Variants in HMGB1 observed in about 807,000 individuals in gnomAD.
HMGB1 encodes high mobility group box 1.
For synonymous variants in HMGB1, 81 were observed against 84.0 expected, an observed-to-expected ratio of 0.96 and a Z score of 0.19; for missense variants, 79 against 253.5, an observed-to-expected ratio of 0.31 and a Z score of 4.67.
chr13:30,482,503 A>G (rs1214401880), intron 1 of HMGB1, among the ~76,000 whole-genome samples: 1 of 152,134 alleles, frequency 6.6e-6, no homozygotes, highest in Non-Finnish European at 1.5e-5. Context: ...TATCACATCA[A>G]GCCTTTGGGG....
chr13:30,544,941 C>T (rs60344737), intron 1 of HMGB1, among the ~76,000 whole-genome samples: 2 of 152,120 alleles, frequency 1.3e-5, no homozygotes, highest in African/African-American at 4.8e-5. Flanking sequence ...GGAGGCGCCT[C>T]GATGTAGAAA....
rs1886385152 is a variant in HMGB1, at chr13:30,462,131, TG to T, written c.471+406del. On this transcript the variant is annotated intron_variant, in intron 4 of 4. Coordinates refer to ENST00000341423, the MANE Select transcript of HMGB1 (RefSeq NM_002128.7). Reference sequence around the variant, plus strand: ...CTTGTAATTTAACTTAGTGATGCTGTGGTTTTTTGAGTATCTAAAGGAAAAG... The same window carrying T: ...CTTGTAATTTAACTTAGTGATGCTGTGTTTTTTGAGTATCTAAAGGAAAAG... 3.3e-5 allele frequency among the ~76,000 whole-genome samples: 5 copies of T among 152,346 alleles called. No homozygotes were observed. In the South Asian group the frequency reaches 1.0e-3, roughly 32 times the overall value.
chr13:30,472,540 G>T (rs1886970393), intron 1 of HMGB1, among the ~76,000 whole-genome samples: 1 of 152,226 alleles, frequency 6.6e-6, no homozygotes. Context: ...GACAGAGGTT[G>T]CAGTGAGCTG....
At position 30,490,026 on chromosome 13, in the gene HMGB1, C is replaced by CAAA. The variant is rs780306690; in HGVS notation, c.-14-26335_-14-26333dup. Among the ~76,000 whole-genome samples, 582 of 65,372 alleles carry CAAA rather than the reference C, an allele frequency of 8.9e-3. 3 individuals are homozygous for CAAA. The highest frequency in any genetic ancestry group is 0.013 in the Middle Eastern group (2 of 150). 42.9% of individuals were successfully genotyped at this position (65,372 alleles called of 152,430 possible). ...CAGGCATCAGCCACTGCGCTGGTCT[C>CAAA]AAAAAAAAAAAAAAAAAAAAAAGCT... On this transcript the variant is annotated intron_variant, in intron 1 of 4. Coordinates refer to the HMGB1 transcript ENST00000405805.
intron 1 of HMGB1, among the ~76,000 whole-genome samples, chr13:30,490,230 C>T (rs905080191): frequency 1.3e-5 from 2 of 152,008 alleles, no homozygotes; most frequent in African/African-American, 4.8e-5. Flanking sequence ...ATGCCTTCAC[C>T]AAGTCTGAAC....
At chr13:30,571,682 C>T (rs1870443317) in intron 1 of HMGB1, among the ~76,000 whole-genome samples, 1 of 152,054 alleles carries the variant, frequency 6.6e-6, no homozygotes, top group Non-Finnish European at 1.5e-5. Context: ...GTTTTGAAGC[C>T]ACAAGCAGGT....
At chr13:30,588,196 A>G (rs931616641) in intron 1 of HMGB1, among the ~76,000 whole-genome samples, 2 of 152,254 alleles carry the variant, frequency 1.3e-5, no homozygotes, top group Non-Finnish European at 2.9e-5. Flanking sequence ...ACAAGAAACC[A>G]TAATGTTAAA....
At chr13:30,606,480 GATC>G (rs748243043) in intron 1 of HMGB1, among the ~76,000 whole-genome samples, 1 of 151,956 alleles carries the variant, frequency 6.6e-6, no homozygotes, top group Non-Finnish European at 1.5e-5. Context: ...ACATTTTATT[GATC>G]ATATTACATT....
intron 1 of HMGB1, among the ~76,000 whole-genome samples, chr13:30,526,805 T>C (rs368723920): frequency 4.6e-5 from 7 of 152,218 alleles, no homozygotes; most frequent in African/African-American, 1.7e-4. Context: ...CCACAGAGCC[T>C]TCCTGTGAGA....
At chr13:30,474,742 G>A (rs1003504135) in intron 1 of HMGB1, among the ~76,000 whole-genome samples, 12 of 147,166 alleles carry the variant, frequency 8.2e-5, no homozygotes, top group South Asian at 2.2e-4. Flanking sequence ...GCGACAGAGC[G>A]AGATGGTCTC....
At chr13:30,530,768 T>C (rs565952342) in intron 1 of HMGB1, among the ~76,000 whole-genome samples, 1 of 152,298 alleles carries the variant, frequency 6.6e-6, no homozygotes, top group East Asian at 1.9e-4. Flanking sequence ...AAATGCAAGC[T>C]GGGCATGGTG....
At chr13:30,567,987 C>T (rs1870263576) in intron 1 of HMGB1, among the ~76,000 whole-genome samples, 1 of 152,146 alleles carries the variant, frequency 6.6e-6, no homozygotes, top group Non-Finnish European at 1.5e-5. Flanking sequence ...TTAATTGTAC[C>T]TAGAAAATTA....
chr13:30,463,164 C>A, intron 3 of HMGB1, 43 bp downstream of exon 3: 2 of 1,580,416 alleles, frequency 1.3e-6, no homozygotes, highest in Admixed American at 3.8e-5. Flanking sequence ...TCAGATTCTA[C>A]TGTAAAACGT....
At chr13:30,581,560 G>GA (rs1194492354) in intron 1 of HMGB1, among the ~76,000 whole-genome samples, 1 of 152,222 alleles carries the variant, frequency 6.6e-6, no homozygotes, top group African/African-American at 2.4e-5. Context: ...ACCTTTTACA[G>GA]AAAGTTTGCT....
Position 30,461,064 on chromosome 13 carries a change from T to C in HMGB1, c.*293A>G, listed in dbSNP as rs1455798062. ...AGATGAAAAAACTACCATCCCCATATATAACTAATTTGTGCTGTGCACCAA... is the reference window on the plus strand; with the variant it reads ...AGATGAAAAAACTACCATCCCCATACATAACTAATTTGTGCTGTGCACCAA... On this transcript the variant is annotated 3_prime_UTR_variant, in exon 5 of 5. Coordinates refer to ENST00000341423, the MANE Select transcript of HMGB1 (RefSeq NM_002128.7). The C allele has an allele frequency of 9.4e-6, 9 of 952,764 alleles. No individual in the cohort carries two copies. The highest frequency in any genetic ancestry group is 1.2e-5 in the Non-Finnish European group (9 of 779,794). 59.0% of individuals were successfully genotyped at this position (952,764 alleles called of 1,614,324 possible). A position where few individuals can be genotyped will look rare whatever the true frequency, so the allele number is the denominator to read the frequency against.
rs769656870 is a variant in HMGB1, at chr13:30,464,166, A to G, written c.-14-472T>C. ...CCTTAAAAAAAAAAAATCACCGTGC[A>G]CCGAAAGTTTCAAAAAACACCCTCT... is the stretch of plus-strand genomic sequence containing the variant. On this transcript the variant is annotated intron_variant, in intron 1 of 4. Transcript: ENST00000341423. 6.3e-5 allele frequency: 62 copies of G among 983,488 alleles called. No homozygotes were observed. The Middle Eastern group carries it at 4.2e-3, about 67-fold the overall frequency. The allele number at this position is 983,488 out of a possible 1,614,324, so 60.9% of individuals were successfully genotyped here. A position where few individuals can be genotyped will look rare whatever the true frequency, so the allele number is the denominator to read the frequency against.
chr13:30,465,577 G>T (rs1886734599), intron 1 of HMGB1, among the ~76,000 whole-genome samples: 1 of 151,202 alleles, frequency 6.6e-6, no homozygotes, highest in African/African-American at 2.4e-5. Context: ...GGGGCTCCCG[G>T]CGCCTCAGGC....
chr13:30,590,538 G>A (rs1001868047), intron 1 of HMGB1, among the ~76,000 whole-genome samples: 3 of 152,148 alleles, frequency 2.0e-5, no homozygotes, highest in Non-Finnish European at 4.4e-5. Context: ...GCGGGTAGTG[G>A]CTACCATACT....
At chr13:30,585,726 CT>C (rs1331651734) in intron 1 of HMGB1, among the ~76,000 whole-genome samples, 2 of 151,892 alleles carry the variant, frequency 1.3e-5, no homozygotes, top group Admixed American at 6.6e-5. Flanking sequence ...GTATAAATAT[CT>C]TTTTTAACAT....
Sources: allele counts gnomAD v4.1 joint callset (sites outside exome capture counted in the v4.1 genomes callset), GRCh38; gene constraint gnomAD v4.1.1; transcripts MANE v1.5; gene names NCBI Gene and HGNC (gene_info 2026-07-23, HGNC 2026-07-21).